MARCO: variants seen among roughly 807,000 people sequenced by gnomAD.
The protein encoded by MARCO is macrophage receptor MARCO.
In MARCO, 72 loss-of-function variants were observed where a neutral mutation model predicts 70.0. That is an observed-to-expected ratio of 1.03 (90% CI 0.85 to 1.25). MARCO has a LOEUF of 1.25. Ranked by LOEUF, MARCO falls within the 50% of genes most tolerant of loss-of-function variation. The pLI is 0.00. For synonymous variants in MARCO, 273 were observed against 243.1 expected (o/e 1.12, Z -1.14); for missense variants, 696 against 659.3 (o/e 1.06, Z -0.61).
At position 118,969,190 on chromosome 2, in the gene MARCO, A is replaced by C. The variant is rs1436697082; in HGVS notation, c.128A>C (p.Asn43Thr). Residue 43 changes from asparagine to threonine, a missense_variant, in exon 2 of 17, where the codon AAC becomes ACC. Coordinates refer to ENST00000327097, the MANE Select transcript of MARCO (RefSeq NM_006770.4). ...AAGCCCAAGAGGAGAAATGGGGTGA[A>C]CTTCTCCCTAGCTGTGGTGGTCATC... ...VPKPKRRNGV[N>T]FSLAVVVIYL... 1.2e-6 allele frequency: 2 copies of C among 1,614,132 alleles called. No individual in the cohort carries two copies. Among genetic ancestry groups the C allele is most frequent in the Non-Finnish European group, 1.7e-6 (2 of 1,179,970 alleles).
rs1371463157 is a variant in MARCO at position 118,974,234 on chromosome 2, G to A, written c.461-99G>A. On this transcript the variant is annotated intron_variant, in intron 4 of 16. Transcript: ENST00000327097. Reference sequence around the variant, plus strand: ...CACAGTTGGCTCATCCCCATGCTCAGTGAACGTTTGTTGAATGAATCACCA... The same window carrying A: ...CACAGTTGGCTCATCCCCATGCTCAATGAACGTTTGTTGAATGAATCACCA... 6 of 767,492 alleles carry A rather than the reference G, an allele frequency of 7.8e-6. No individual in the cohort carries two copies. In the Admixed American group the frequency reaches 1.0e-4, roughly 13 times the overall value. 47.5% of individuals were successfully genotyped at this position (767,492 alleles called of 1,614,324 possible). A position where few individuals can be genotyped will look rare whatever the true frequency, so the allele number is the denominator to read the frequency against.
Position 118,977,814 on chromosome 2 carries a change from C to A in MARCO, c.659-14C>A, listed in dbSNP as rs1172695208. 1 of 1,598,638 alleles carries A rather than the reference C, an allele frequency of 6.3e-7. No homozygotes were observed. Among genetic ancestry groups the A allele is most frequent in the Non-Finnish European group, 8.6e-7 (1 of 1,169,076 alleles). ...GATAGTGGGAGCCCATCTCACCAGC[C>A]ATTCTCTTTGCAGGCACCCCAGGAC... On this transcript the variant is annotated splice_polypyrimidine_tract_variant and intron_variant, in intron 7 of 16. Coordinates refer to ENST00000327097, the MANE Select transcript of MARCO (RefSeq NM_006770.4).
intron 1 of MARCO, among the ~76,000 whole-genome samples, chr2:118,967,250 G>A (rs79440340): frequency 0.011 from 1,698 of 152,312 alleles, 23 homozygotes; most frequent in African/African-American, 0.037. Context: ...AACTTCCGAA[G>A]GATGAGCAGA....
chr2:118,981,379 A>C lies in MARCO; in HGVS notation c.767-30A>C, dbSNP rs781612603. On this transcript the variant is annotated intron_variant, in intron 8 of 16. Transcript: ENST00000327097. Reference sequence around the variant, plus strand: ...TGGTGGCCTGATTGGAGTTCCTCCCACAACTAACCAAGACTTTTTGGTTTT... The same window carrying C: ...TGGTGGCCTGATTGGAGTTCCTCCCCCAACTAACCAAGACTTTTTGGTTTT... 2.0e-6 allele frequency: 3 copies of C among 1,484,448 alleles called. No homozygotes were observed. In the South Asian group the frequency reaches 3.6e-5, roughly 18 times the overall value. 92.0% of individuals were successfully genotyped at this position (1,484,448 alleles called of 1,614,324 possible).
chr2:118,961,906 G>A (rs931299969), intron 1 of MARCO, among the ~76,000 whole-genome samples: 5 of 152,178 alleles, frequency 3.3e-5, no homozygotes, highest in Non-Finnish European at 7.3e-5. Flanking sequence ...TAAGATGTAA[G>A]AAAGGGATCC....
rs756644380 is a variant in MARCO, at chr2:118,981,471, G to C, written c.829G>C (p.Gly277Arg). The C allele has an allele frequency of 6.3e-7, 1 of 1,598,786 alleles. No homozygotes were observed. Among genetic ancestry groups the C allele is most frequent in the South Asian group, 1.1e-5 (1 of 87,706 alleles). Residue 277 changes from glycine (G) to arginine (R), a missense_variant, in exon 9 of 17, where the codon GGG becomes CGG. Physicochemically the swap from Gly to Arg is moderately radical, Grantham distance 125. Around this residue, in one of 3 missense-constraint regions of MARCO, gnomAD observed 605 missense variants for 537.6 expected, o/e 1.13. Transcript: ENST00000327097. ...GGTCATGGGGCCTCCTGGAGCCCAG[G>C]GGAGTAAAGGTGACTTCGGGAGGCC... ...AGVMGPPGAQ[G>R]SKGDFGRPGP...
chr2:118,942,358 G>T lies in MARCO; in HGVS notation c.58G>T (p.Ala20Ser), dbSNP rs374644524. Residue 20 changes from alanine to serine, a missense_variant, in exon 1 of 17, where the codon GCT (alanine) becomes TCT (serine). Physicochemically the swap from Ala to Ser is moderately conservative, Grantham distance 99. Around this residue, in one of 3 missense-constraint regions of MARCO, gnomAD observed 605 missense variants for 537.6 expected, o/e 1.13. Transcript: ENST00000327097. ...DELLSETQQA[A>S]FHQIAMEPFE... ...GCTCTTGAGTGAGACCCAACAAGCT[G>T]CTTTTCACCAAATTGCAATGGAGCC... 1.9e-6 allele frequency: 3 copies of T among 1,613,834 alleles called. 1 individual carries two copies. In the African/African-American group the frequency reaches 4.0e-5, roughly 22 times the overall value.
Position 118,942,309 on chromosome 2 carries a change from T to C in MARCO, c.9T>C (p.Asn3=), listed in dbSNP as rs772777000. MR[N]KKILKEDELL... ...ATCTATAAAGCTTGGCAATGAGAAA[T>C]AAGAAAATTCTCAAGGAGGACGAGC... Residue 3 remains asparagine, a synonymous_variant, in exon 1 of 17, where the codon AAT becomes AAC. Transcript: ENST00000327097. 3 of 1,612,860 alleles carry C rather than the reference T, an allele frequency of 1.9e-6. No individual in the cohort carries two copies. The highest frequency in any genetic ancestry group is 2.2e-5 in the East Asian group (1 of 44,780).
rs77115370 is a variant in MARCO, at chr2:118,990,569, C to G, written c.1064-20C>G. 4.9e-6 allele frequency: 7 copies of G among 1,415,926 alleles called. No homozygotes were observed. In the African/African-American group the frequency reaches 6.4e-5, roughly 13 times the overall value. The allele number at this position is 1,415,926 out of a possible 1,614,324, so 87.7% of individuals were successfully genotyped here. A position where few individuals can be genotyped will look rare whatever the true frequency, so the allele number is the denominator to read the frequency against. ...AGTTTTATTATCTCCTCCCCCCCCC[C>G]TTTTTTGTTTTGATCTTAGGACTTC... On this transcript the variant is annotated intron_variant, in intron 12 of 16. Coordinates refer to ENST00000327097, the MANE Select transcript of MARCO (RefSeq NM_006770.4).
chr2:118,967,868 T>G (rs1680085219), intron 1 of MARCO, among the ~76,000 whole-genome samples: 2 of 152,160 alleles, frequency 1.3e-5, no homozygotes, highest in Non-Finnish European at 2.9e-5. Flanking sequence ...CCTTCATTAT[T>G]GTCTGTTTCC....
At chr2:118,968,203 GA>G (rs1274938777) in intron 1 of MARCO, among the ~76,000 whole-genome samples, 1 of 152,176 alleles carries the variant, frequency 6.6e-6, no homozygotes, top group Admixed American at 6.5e-5. Context: ...CCCTAAACAA[GA>G]CAGAGTAACA....
chr2:118,985,380 C>T (rs908750006), intron 12 of MARCO, among the ~76,000 whole-genome samples: 3 of 152,166 alleles, frequency 2.0e-5, no homozygotes, highest in South Asian at 2.1e-4. Flanking sequence ...TTTCTACCTC[C>T]TCCACAGCCA....
At chr2:118,953,096 C>T (rs911124994) in intron 1 of MARCO, 3 of 152,154 alleles carry the variant, frequency 2.0e-5, no homozygotes, top group Admixed American at 6.5e-5. Flanking sequence ...AACTGATATC[C>T]GATTTGCTAA....
chr2:118,966,412 T>C (rs1176744788), intron 1 of MARCO, among the ~76,000 whole-genome samples: 1 of 152,172 alleles, frequency 6.6e-6, no homozygotes, highest in South Asian at 2.1e-4. Context: ...TATAGTTTCT[T>C]CTACCCTCTA....
intron 1 of MARCO, among the ~76,000 whole-genome samples, chr2:118,955,945 TA>T (rs1407765895): frequency 6.8e-6 from 1 of 147,870 alleles, no homozygotes; most frequent in Non-Finnish European, 1.5e-5. Context: ...CAAGAACTGC[TA>T]AAAACTTGAA....
chr2:118,984,098 C>T (rs542397658), intron 12 of MARCO, among the ~76,000 whole-genome samples: 1 of 152,320 alleles, frequency 6.6e-6, no homozygotes, highest in African/African-American at 2.4e-5. Flanking sequence ...AAATCTAGGC[C>T]AGTACAAGAC....
intron 11 of MARCO, 29 bp from the exon 12 acceptor site, chr2:118,982,319 T>G: frequency 6.2e-7 from 1 of 1,613,222 alleles, no homozygotes; most frequent in South Asian, 1.1e-5. Flanking sequence ...AGTCCAGCCC[T>G]TATGCTCTCT....
chr2:118,965,429 T>A (rs987754947), intron 1 of MARCO, among the ~76,000 whole-genome samples: 2 of 152,230 alleles, frequency 1.3e-5, no homozygotes, highest in African/African-American at 4.8e-5. Flanking sequence ...TGTACTATTT[T>A]GGTGAGCTTT....
In MARCO at chr2:118,981,446, G is replaced by T. The variant is rs1001316519; in HGVS notation, c.804G>T (p.Gly268=). Residue 268 remains glycine, a synonymous_variant, in exon 9 of 17, where the codon GGG becomes GGT. Coordinates refer to ENST00000327097, the MANE Select transcript of MARCO (RefSeq NM_006770.4). ...ACAGGGGCATGAAAGGAGATGCAGG[G>T]GTCATGGGGCCTCCTGGAGCCCAGG... ...KGDRGMKGDA[G]VMGPPGAQGS... 1.3e-6 allele frequency: 2 copies of T among 1,597,504 alleles called. No homozygotes were observed. The highest frequency in any genetic ancestry group is 1.1e-5 in the South Asian group (1 of 87,412).
Sources: gnomAD v4.1 joint callset for allele counts (sites outside exome capture counted in the v4.1 genomes callset) on GRCh38, gnomAD v4.1.1 for gene constraint, gnomAD v4.1.1 regional missense constraint, MANE v1.5 for transcripts, NCBI Gene and HGNC (gene_info 2026-07-23, HGNC 2026-07-21) for gene names.